The following FRYL variants were observed in gnomAD, a reference collection of about 807,000 sequenced individuals.
FRYL encodes the protein FRY like transcription coactivator.
FRYL carries 150 observed loss-of-function variants against 351.2 expected under a neutral mutation model. The observed-to-expected ratio is 0.43, with a 90% confidence interval of 0.37 to 0.49. The LOEUF (loss-of-function observed/expected upper bound fraction) is 0.49, where lower values mean the gene tolerates loss of function less well. FRYL is among the 20% of genes least tolerant of loss of function. The pLI is 0.00. For missense variants in FRYL, 3,036 were observed against 3,619.3 expected (o/e 0.84, Z 4.13); for synonymous variants, 1,153 against 1,257.1 (o/e 0.92, Z 1.75).
intron 3 of FRYL, among the ~76,000 whole-genome samples, chr4:48,671,240 T>C (rs1244319988): frequency 1.3e-5 from 2 of 152,226 alleles, no homozygotes; most frequent in South Asian, 2.1e-4. Flanking sequence ...AAGAAGTGAT[T>C]AGACTAACTA....
chr4:48,517,236 G>A (rs1267754547), intron 55 of FRYL, among the ~76,000 whole-genome samples: 20 of 152,040 alleles, frequency 1.3e-4, no homozygotes, highest in Non-Finnish European at 2.5e-4. Context: ...AATATTTATT[G>A]GCATGAATTT....
intron 48 of FRYL, 24 bp from the exon 49 acceptor site, chr4:48,534,709 A>T (rs1728485929): frequency 1.4e-6 from 2 of 1,401,946 alleles, no homozygotes; most frequent in East Asian, 2.3e-5. Context: ...TAAAAGTAAT[A>T]TTAAAGTATA....
chr4:48,586,057 C>T (rs1391045474), intron 19 of FRYL, among the ~76,000 whole-genome samples: 1 of 152,136 alleles, frequency 6.6e-6, no homozygotes. Context: ...ATCAACAAAG[C>T]AGTTTTTCAA....
At chr4:48,597,264 G>A (rs1454962712) in intron 13 of FRYL, among the ~76,000 whole-genome samples, 1 of 152,068 alleles carries the variant, frequency 6.6e-6, no homozygotes, top group Admixed American at 6.6e-5. Context: ...AGAGAGAAAT[G>A]AATAGGCAAA....
At chr4:48,729,825 G>T (rs1014168838) in intron 1 of FRYL, among the ~76,000 whole-genome samples, 2 of 152,118 alleles carry the variant, frequency 1.3e-5, no homozygotes, top group African/African-American at 2.4e-5. Flanking sequence ...AAACCAGAAC[G>T]CCTCTTCTCA....
chr4:48,709,129 C>T (rs2149588041), intron 2 of FRYL, among the ~76,000 whole-genome samples: 1 of 151,934 alleles, frequency 6.6e-6, no homozygotes, highest in Admixed American at 6.6e-5. Flanking sequence ...ACCGTGTTAG[C>T]CAGGATGGTT....
chr4:48,779,172 C>T (rs1349178442), intron 1 of FRYL, among the ~76,000 whole-genome samples: 1 of 152,228 alleles, frequency 6.6e-6, no homozygotes, highest in African/African-American at 2.4e-5. Flanking sequence ...CTCCAGAACG[C>T]AGGAAACCAG....
At chr4:48,756,796 A>G (rs1282664731) in intron 1 of FRYL, among the ~76,000 whole-genome samples, 4 of 152,104 alleles carry the variant, frequency 2.6e-5, no homozygotes, top group Non-Finnish European at 2.9e-5. Context: ...AAAAATTTAA[A>G]AAGTCCCCAG....
At chr4:48,654,137 GTC>G (rs1369932981) in intron 3 of FRYL, among the ~76,000 whole-genome samples, 2 of 152,080 alleles carry the variant, frequency 1.3e-5, no homozygotes, top group East Asian at 3.8e-4. Context: ...GAGGAGCAGT[GTC>G]TCTAGCTATG....
At chr4:48,626,153 A>C (rs777831179) in intron 4 of FRYL, among the ~76,000 whole-genome samples, 4 of 152,156 alleles carry the variant, frequency 2.6e-5, no homozygotes, top group Non-Finnish European at 4.4e-5. Flanking sequence ...ACATTAAAAT[A>C]ACAATATACC....
rs1472716008 is a variant in FRYL at position 48,515,025 on chromosome 4, C to T, written c.7937+3G>A. ...TACAGTGTTTATGATACTGTATTCT[C>T]ACCTAGACAGTCCGGAGAAATCCGC... On this transcript the variant is annotated splice_donor_region_variant and intron_variant, in intron 56 of 63. Coordinates refer to ENST00000358350, the MANE Select transcript of FRYL (RefSeq NM_015030.2). 6.2e-7 allele frequency: 1 copy of T among 1,612,864 alleles called. No homozygotes were observed.
intron 23 of FRYL, among the ~76,000 whole-genome samples, chr4:48,578,292 A>T (rs141974626): frequency 6.6e-6 from 1 of 152,258 alleles, no homozygotes; most frequent in East Asian, 1.9e-4. Flanking sequence ...GTCAATCCAG[A>T]TGCTGGGTTT....
At position 48,510,172 on chromosome 4, in the gene FRYL, G is replaced by T. The variant is rs113883732; in HGVS notation, c.8296-15C>A. 29 of 1,582,340 alleles carry T rather than the reference G, an allele frequency of 1.8e-5. No individual in the cohort carries two copies. The highest frequency in any genetic ancestry group is 1.5e-4 in the African/African-American group (11 of 74,360). ...CATGACATCAGCTGTCAAATCAGAA[G>T]TATTGATCCAGGTTACCATTTCTGA... On this transcript the variant is annotated splice_polypyrimidine_tract_variant and intron_variant, in intron 58 of 63. Coordinates refer to ENST00000358350, the MANE Select transcript of FRYL (RefSeq NM_015030.2).
chr4:48,684,251 A>C (rs563601128), intron 3 of FRYL, among the ~76,000 whole-genome samples: 17 of 152,226 alleles, frequency 1.1e-4, no homozygotes, highest in Non-Finnish European at 1.6e-4. Flanking sequence ...TGACTACTTA[A>C]GAAGGGAAAT....
chr4:48,681,210 T>C, intron 3 of FRYL: 1 of 497,168 alleles, frequency 2.0e-6, no homozygotes, highest in South Asian at 3.6e-5. Flanking sequence ...TCAGGTACAC[T>C]ATTTGTGTCA....
At chr4:48,721,589 C>T (rs577621981) in intron 1 of FRYL, among the ~76,000 whole-genome samples, 15 of 152,232 alleles carry the variant, frequency 9.9e-5, no homozygotes, top group African/African-American at 3.6e-4. Context: ...CTATGATATA[C>T]ACAGCTTAAA....
intron 55 of FRYL, among the ~76,000 whole-genome samples, chr4:48,520,305 G>A (rs1311168375): frequency 6.6e-6 from 1 of 152,090 alleles, no homozygotes; most frequent in Non-Finnish European, 1.5e-5. Context: ...ATGTACAAGA[G>A]TCAGCCTAAC....
At chr4:48,716,149 T>C (rs1271492070) in intron 1 of FRYL, among the ~76,000 whole-genome samples, 1 of 152,090 alleles carries the variant, frequency 6.6e-6, no homozygotes, top group Non-Finnish European at 1.5e-5. Context: ...GACTTAAACG[T>C]TAGACCTAAA....
At chr4:48,740,690 G>T (rs1771954761) in intron 1 of FRYL, among the ~76,000 whole-genome samples, 1 of 152,002 alleles carries the variant, frequency 6.6e-6, no homozygotes, top group Non-Finnish European at 1.5e-5. Context: ...ACACTATCAG[G>T]GAAATGCAAA....
Sources: allele counts gnomAD v4.1 joint callset (sites outside exome capture counted in the v4.1 genomes callset), GRCh38; gene constraint gnomAD v4.1.1; transcripts MANE v1.5; gene names NCBI Gene and HGNC (gene_info 2026-07-23, HGNC 2026-07-21).